The following CDH12 variants were observed in gnomAD, a reference collection of about 807,000 sequenced individuals.
The protein encoded by CDH12 is cadherin 12, also known as cadherin-12.
CDH12 carries 41 observed loss-of-function variants against 74.1 expected under a neutral mutation model. The ratio of observed to expected loss-of-function variants is 0.55; its 90% CI spans 0.43 to 0.72. The LOEUF is 0.72. Ranked by LOEUF, CDH12 falls within the 30% of genes least tolerant of loss-of-function variation. The pLI is 0.00. For missense variants in CDH12, 945 were observed against 977.2 expected, an observed-to-expected ratio of 0.97 and a Z score of 0.44; for synonymous variants, 399 against 355.0, an observed-to-expected ratio of 1.12 and a Z score of -1.39.
chr5:22,352,897 A>G (rs972131339), intron 3 of CDH12, among the ~76,000 whole-genome samples: 5 of 152,222 alleles, frequency 3.3e-5, no homozygotes, highest in African/African-American at 1.2e-4. Context: ...AGACTAGATC[A>G]AGGTGTGCTG....
chr5:22,095,955 C>T (rs557398845), intron 4 of CDH12, among the ~76,000 whole-genome samples: 80 of 151,882 alleles, frequency 5.3e-4, no homozygotes, highest in Non-Finnish European at 8.7e-4. Context: ...TTCCACACCC[C>T]GACCTCTTAT....
chr5:22,229,560 G>A (rs559062565), intron 3 of CDH12, among the ~76,000 whole-genome samples: 58 of 152,028 alleles, frequency 3.8e-4, no homozygotes, highest in African/African-American at 1.3e-3. Flanking sequence ...CCAATCATTC[G>A]GTTATTTGGT....
chr5:21,804,646 ACACACACAC>A (rs1561199474), intron 9 of CDH12, among the ~76,000 whole-genome samples: 1,149 of 91,386 alleles, frequency 0.013, 36 homozygotes, highest in South Asian at 0.047. Context: ...GAATTAAAAC[ACACACACAC>A]ACACACACAC....
intron 3 of CDH12, among the ~76,000 whole-genome samples, chr5:22,357,942 T>C (rs1356451013): frequency 6.6e-6 from 1 of 152,202 alleles, no homozygotes; most frequent in South Asian, 2.1e-4. Flanking sequence ...CATGAGCATT[T>C]CTGTTTGGTA....
At chr5:22,165,708 G>A (rs962300315) in intron 4 of CDH12, among the ~76,000 whole-genome samples, 2 of 152,118 alleles carry the variant, frequency 1.3e-5, no homozygotes, top group African/African-American at 4.8e-5. Flanking sequence ...TGAGATAGGA[G>A]GTCAGCACAA....
intron 1 of CDH12, among the ~76,000 whole-genome samples, chr5:22,797,952 G>C (rs1373317200): frequency 6.6e-6 from 1 of 152,106 alleles, no homozygotes; most frequent in Non-Finnish European, 1.5e-5. Flanking sequence ...CATAGTTACT[G>C]TTATTTCAGT....
intron 6 of CDH12, among the ~76,000 whole-genome samples, chr5:21,942,626 G>C (rs1185990065): frequency 2.6e-5 from 4 of 151,680 alleles, no homozygotes; most frequent in Admixed American, 2.0e-4. Flanking sequence ...ATGTATATCT[G>C]TGTATGTGTG....
At chr5:22,010,168 C>T (rs1323539453) in intron 5 of CDH12, among the ~76,000 whole-genome samples, 1 of 151,972 alleles carries the variant, frequency 6.6e-6, no homozygotes, top group Non-Finnish European at 1.5e-5. Context: ...CCATCATATT[C>T]GAAGCTGTGT....
chr5:22,223,711 C>T (rs371364528), intron 3 of CDH12, among the ~76,000 whole-genome samples: 1 of 151,878 alleles, frequency 6.6e-6, no homozygotes, highest in Non-Finnish European at 1.5e-5. Context: ...TATTGGGGAG[C>T]AGATTAAGTC....
At chr5:22,847,469 T>C (rs1737359413) in intron 1 of CDH12, among the ~76,000 whole-genome samples, 1 of 152,206 alleles carries the variant, frequency 6.6e-6, no homozygotes, top group Non-Finnish European at 1.5e-5. Context: ...TACTCAGAAA[T>C]CGTCTTAAAT....
chr5:21,877,876 C>A (rs1244872062), intron 6 of CDH12, among the ~76,000 whole-genome samples: 1 of 152,112 alleles, frequency 6.6e-6, no homozygotes, highest in African/African-American at 2.4e-5. Flanking sequence ...TGCATTGATA[C>A]CCATTAGAAA....
At chr5:22,036,536 G>A (rs1739200104) in intron 5 of CDH12, among the ~76,000 whole-genome samples, 1 of 152,092 alleles carries the variant, frequency 6.6e-6, no homozygotes, top group South Asian at 2.1e-4. Context: ...GCTCAGTTTG[G>A]ACTGTGCGTG....
chr5:21,854,815 T>G, intron 6 of CDH12, 25 bp from the exon 7 acceptor site: 2 of 1,594,948 alleles, frequency 1.3e-6, no homozygotes, highest in Non-Finnish European at 1.7e-6. Flanking sequence ...AATATCACTC[T>G]AGCATTTTTG....
At chr5:22,072,767 T>C (rs113922326) in intron 5 of CDH12, among the ~76,000 whole-genome samples, 3 of 152,060 alleles carry the variant, frequency 2.0e-5, no homozygotes, top group Non-Finnish European at 4.4e-5. Context: ...TGTGTCCAAG[T>C]GTTCTCATTG....
At chr5:22,274,684 G>A (rs1234013396) in intron 3 of CDH12, among the ~76,000 whole-genome samples, 1 of 151,912 alleles carries the variant, frequency 6.6e-6, no homozygotes, top group African/African-American at 2.4e-5. Flanking sequence ...AAAAATCTAT[G>A]TGAATATATA....
At chr5:22,283,137 T>A (rs571604432) in intron 3 of CDH12, among the ~76,000 whole-genome samples, 1 of 150,348 alleles carries the variant, frequency 6.7e-6, no homozygotes, top group Non-Finnish European at 1.5e-5. Context: ...GTCCATCTTC[T>A]AGAAATGTTT....
Position 22,244,520 on chromosome 5 carries a change from AAAAAAAAAAAAAAGAAGAAG to A in CDH12, c.-332-31897_-332-31878del, listed in dbSNP as rs1554023642. On this transcript the variant is annotated intron_variant, in intron 3 of 14. Coordinates refer to ENST00000382254, the MANE Select transcript of CDH12 (RefSeq NM_004061.5). The stretch of plus-strand genomic sequence containing the variant: ...AAAAAAAAAAAAAAAAAAAAAAAAA[AAAAAAAAAAAAAAGAAGAAG>A]AAGAAGAAGAAGAAGAAAGAGAGAA... 7.1e-4 allele frequency among the ~76,000 whole-genome samples: 5 copies of A among 7,022 alleles called. 1 individual carries two copies. The highest frequency in any genetic ancestry group is 2.1e-3 in the Admixed American group (1 of 470). The allele number at this position is 7,022 out of a possible 152,430, so 4.6% of individuals were successfully genotyped here.
chr5:22,020,653 T>C lies in CDH12; in HGVS notation c.232-45268A>G, dbSNP rs536704231. On this transcript the variant is annotated intron_variant, in intron 5 of 14. Coordinates refer to ENST00000382254, the MANE Select transcript of CDH12 (RefSeq NM_004061.5). The stretch of plus-strand genomic sequence containing the variant: ...TTCTGGCTTGATGATGCTCACCTTC[T>C]CCCTTCATTCTCACTTTGAGCCTGC... 8.9e-4 allele frequency among the ~76,000 whole-genome samples: 135 copies of C among 151,962 alleles called. 1 individual carries two copies. The South Asian group carries it at 9.0e-3, about 10-fold the overall frequency.
intron 1 of CDH12, among the ~76,000 whole-genome samples, chr5:22,742,963 TA>T (rs1169961158): frequency 6.6e-6 from 1 of 151,700 alleles, no homozygotes; most frequent in Non-Finnish European, 1.5e-5. Flanking sequence ...TTGTCATTTC[TA>T]ATGTGGTTAG....
Sources: gnomAD v4.1 joint callset for allele counts (sites outside exome capture counted in the v4.1 genomes callset) on GRCh38, gnomAD v4.1.1 for gene constraint, MANE v1.5 for transcripts, NCBI Gene and HGNC (gene_info 2026-07-23, HGNC 2026-07-21) for gene names.